The following NRXN1 variants were observed in gnomAD, a reference collection of about 807,000 sequenced individuals.
NRXN1 encodes the protein neurexin-1.
Under a neutral mutation model 150.9 loss-of-function variants are expected in NRXN1, and 39 were observed. The observed-to-expected ratio is 0.26, with a 90% confidence interval of 0.20 to 0.34. The LOEUF (loss-of-function observed/expected upper bound fraction) is 0.34. Among genes scored for constraint, NRXN1 ranks in the 10% least tolerant of loss-of-function variants. The pLI, the probability that NRXN1 is intolerant of heterozygous loss-of-function variation, is 1.00. For synonymous variants in NRXN1, 924 were observed against 757.0 expected, an observed-to-expected ratio of 1.22 and a Z score of -3.62; for missense variants, 1,815 against 1,949.9, an observed-to-expected ratio of 0.93 and a Z score of 1.30.
At chr2:50,719,420 TA>T (rs1167307113) in intron 5 of NRXN1, among the ~76,000 whole-genome samples, 1 of 152,112 alleles carries the variant, frequency 6.6e-6, no homozygotes, top group Admixed American at 6.6e-5. Context: ...ATGGAACCTG[TA>T]ATCCCAGCAC....
Position 50,072,602 on chromosome 2 carries a change from CA to C in NRXN1, c.3719-17559del, listed in dbSNP as rs771043763. Among the ~76,000 whole-genome samples, 33 of 98,696 alleles carry C rather than the reference CA, an allele frequency of 3.3e-4. No homozygotes were observed. The South Asian group carries it at 4.2e-3, about 13-fold the overall frequency. 64.7% of individuals were successfully genotyped at this position (98,696 alleles called of 152,430 possible). A position where few individuals can be genotyped will look rare whatever the true frequency, so the allele number is the denominator to read the frequency against. On this transcript the variant is annotated intron_variant, in intron 19 of 22. Coordinates refer to ENST00000401669, the MANE Select transcript of NRXN1 (RefSeq NM_001330078.2). ...TGTGAGGCTTGCTAAATAGTCATGG[CA>C]AAAAAAAAAATAAAACAGCAACTTT...
Position 50,028,708 on chromosome 2 carries a change from C to A in NRXN1, c.4128+24563G>T, listed in dbSNP as rs1000369051. ...TCAAATATAACAATATAATGAAAGGCCATTAGGTAGTCTCTAGAAATATCT... is the reference window on the plus strand; with the variant it reads ...TCAAATATAACAATATAATGAAAGGACATTAGGTAGTCTCTAGAAATATCT... On this transcript the variant is annotated intron_variant, in intron 21 of 22. Transcript: ENST00000401669. 2.0e-4 allele frequency among the ~76,000 whole-genome samples: 30 copies of A among 152,274 alleles called. 1 individual carries two copies. Among genetic ancestry groups the A allele is most frequent in the Admixed American group, 1.8e-3 (28 of 15,284 alleles).
Position 50,169,809 on chromosome 2 carries a change from C to A in NRXN1, c.3546+66980G>T, listed in dbSNP as rs115446771. 9.9e-3 allele frequency among the ~76,000 whole-genome samples: 1,481 copies of A among 150,232 alleles called. 26 individuals are homozygous for A. Among genetic ancestry groups the A allele is most frequent in the African/African-American group, 0.034 (1,407 of 40,822 alleles). The stretch of plus-strand genomic sequence containing the variant: ...GCATAGGGGATAGCATAACTGAAAT[C>A]AAAAAGGTTGAAACAAAGCAAAACA... On this transcript the variant is annotated intron_variant, in intron 18 of 22. Transcript: ENST00000401669.
chr2:50,493,359 T>G (rs562448183), intron 15 of NRXN1, among the ~76,000 whole-genome samples: 21 of 152,138 alleles, frequency 1.4e-4, no homozygotes, highest in Non-Finnish European at 3.1e-4. Context: ...CAAACATTAC[T>G]GCTGCAAAAA....
rs6718720 is a variant in NRXN1 at position 50,012,987 on chromosome 2, G to C, written c.4128+40284C>G. On this transcript the variant is annotated intron_variant, in intron 21 of 22. Transcript: ENST00000401669. ...GAAAGAATTTGCAAAGCCCTTTTGT[G>C]GGGGAGAAACCCTACCTGCTTGGGA... Among the ~76,000 whole-genome samples, 793 of 152,058 alleles carry C rather than the reference G, an allele frequency of 5.2e-3. 7 individuals are homozygous for C. The highest frequency in any genetic ancestry group is 0.018 in the African/African-American group (762 of 41,492).
intron 15 of NRXN1, among the ~76,000 whole-genome samples, chr2:50,494,208 T>A (rs527329814): frequency 1.4e-4 from 21 of 152,348 alleles, no homozygotes; most frequent in Non-Finnish European, 2.6e-4. Flanking sequence ...ACATGCCACA[T>A]ACTTCAACCA....
In NRXN1 at chr2:50,421,867, T is replaced by G. The variant is rs561453026; in HGVS notation, c.3364+43575A>C. The stretch of plus-strand genomic sequence containing the variant: ...TTTCTCCTAAAGAAACCACAAATGA[T>G]TTGGGATAGTCAATTTACAAGTCTG... On this transcript the variant is annotated intron_variant, in intron 17 of 22. Coordinates refer to ENST00000401669, the MANE Select transcript of NRXN1 (RefSeq NM_001330078.2). Among the ~76,000 whole-genome samples, 257 of 152,242 alleles carry G rather than the reference T, an allele frequency of 1.7e-3. 3 individuals carry two copies. Among genetic ancestry groups the G allele is most frequent in the African/African-American group, 5.3e-3 (220 of 41,566 alleles).
At position 50,346,014 on chromosome 2, in the gene NRXN1, A is replaced by T. The variant is rs540397119; in HGVS notation, c.3365-109044T>A. On this transcript the variant is annotated intron_variant, in intron 17 of 22. Transcript: ENST00000401669. This position sits in a 1 kb window ranked among gnomAD's most constrained non-coding sequence, Gnocchi z 5.0. ...AGACATATATTTATGTGCAGAGTGG[A>T]TGGAAGGGGAATGGTGTCCAGAGGT... Among the ~76,000 whole-genome samples, 1 of 152,326 alleles carries T rather than the reference A, an allele frequency of 6.6e-6. No homozygotes were observed. The highest frequency in any genetic ancestry group is 2.4e-5 in the African/African-American group (1 of 41,588).
chr2:50,944,917 T>C (rs968166379), intron 2 of NRXN1, among the ~76,000 whole-genome samples: 2 of 152,228 alleles, frequency 1.3e-5, no homozygotes, highest in African/African-American at 2.4e-5. Flanking sequence ...TTTACACTGA[T>C]GGTACAAATG....
chr2:50,643,319 G>A (rs753114196), intron 5 of NRXN1, among the ~76,000 whole-genome samples: 2 of 151,852 alleles, frequency 1.3e-5, no homozygotes, highest in Non-Finnish European at 2.9e-5. Flanking sequence ...AAAAAGTAAT[G>A]TTTACTCAGA....
chr2:50,182,616 T>G (rs925340760), intron 18 of NRXN1, among the ~76,000 whole-genome samples: 2 of 152,068 alleles, frequency 1.3e-5, no homozygotes, highest in Admixed American at 6.6e-5. Flanking sequence ...GTTTCTCTTT[T>G]AAGTGGCCCT....
chr2:49,957,946 A>C (rs1456419288), intron 21 of NRXN1, among the ~76,000 whole-genome samples: 1 of 152,170 alleles, frequency 6.6e-6, no homozygotes. Flanking sequence ...TACTTTTCCC[A>C]AGTTTCTTAT....
chr2:50,501,800 AT>A (rs1360442274), intron 13 of NRXN1, among the ~76,000 whole-genome samples: 1 of 152,174 alleles, frequency 6.6e-6, no homozygotes, highest in Non-Finnish European at 1.5e-5. Flanking sequence ...GGCAAATACT[AT>A]CCTCACGATC....
intron 5 of NRXN1, among the ~76,000 whole-genome samples, chr2:50,782,071 GTTTTC>G (rs1704423432): frequency 6.6e-6 from 1 of 151,516 alleles, no homozygotes; most frequent in African/African-American, 2.4e-5. Context: ...ACTACAAAAT[GTTTTC>G]TTTTCTTGAA....
At chr2:50,360,761 A>T (rs2079133425) in intron 17 of NRXN1, among the ~76,000 whole-genome samples, 3 of 152,190 alleles carry the variant, frequency 2.0e-5, no homozygotes, top group Admixed American at 2.0e-4. Flanking sequence ...GAACAAGCAG[A>T]CCTAATCGAC....
In NRXN1 at chr2:50,026,859, C is replaced by CTTTTTTTTTTTTT. The variant is rs57580154; in HGVS notation, c.4128+26399_4128+26411dup. On this transcript the variant is annotated intron_variant, in intron 21 of 22. Coordinates refer to ENST00000401669, the MANE Select transcript of NRXN1 (RefSeq NM_001330078.2). ...TTGCATTGTTTAAGTCTTTTCTTTT[C>CTTTTTTTTTTTTT]TTTTTTTTTTTTTTTTTTTTTTTTT... Among the ~76,000 whole-genome samples the CTTTTTTTTTTTTT allele has an allele frequency of 2.8e-3, 185 of 65,236 alleles. 46 individuals are homozygous for CTTTTTTTTTTTTT. Among genetic ancestry groups the CTTTTTTTTTTTTT allele is most frequent in the Non-Finnish European group, 3.0e-3 (113 of 37,412 alleles). 42.8% of individuals were successfully genotyped at this position (65,236 alleles called of 152,430 possible).
At chr2:50,586,982 G>C (rs1314911972) in intron 8 of NRXN1, among the ~76,000 whole-genome samples, 1 of 152,118 alleles carries the variant, frequency 6.6e-6, no homozygotes, top group Admixed American at 6.5e-5. Context: ...TATTAGGAAA[G>C]ATAATTTCCA....
chr2:50,300,857 G>C (rs777753868), intron 17 of NRXN1, among the ~76,000 whole-genome samples: 1 of 152,034 alleles, frequency 6.6e-6, no homozygotes. Flanking sequence ...CACCACGCCT[G>C]GCTAATTTTT....
At chr2:50,533,283 G>A (rs1194219815) in intron 10 of NRXN1, among the ~76,000 whole-genome samples, 1 of 152,000 alleles carries the variant, frequency 6.6e-6, no homozygotes, top group Non-Finnish European at 1.5e-5. Flanking sequence ...CTGAGCTGTA[G>A]CATTCATTGC....
Sources: allele counts gnomAD v4.1 joint callset (sites outside exome capture counted in the v4.1 genomes callset), GRCh38; gene constraint gnomAD v4.1.1; non-coding constraint Gnocchi (gnomAD v3.1); transcripts MANE v1.5; gene names NCBI Gene and HGNC (gene_info 2026-07-23, HGNC 2026-07-21).